The following PNO1 variants were observed in gnomAD, a reference collection of about 807,000 sequenced individuals.
The protein encoded by PNO1 is RNA-binding protein PNO1.
In PNO1, 16 loss-of-function variants were observed where a neutral mutation model predicts 28.4. That is an observed-to-expected ratio of 0.56 (90% CI 0.38 to 0.85). PNO1 has a LOEUF of 0.85. Ranked by LOEUF, PNO1 falls within the 40% of genes least tolerant of loss-of-function variation. The pLI is 0.00. For missense variants in PNO1, 304 were observed against 312.2 expected, an observed-to-expected ratio of 0.97 and a Z score of 0.20; for synonymous variants, 115 against 110.8, an observed-to-expected ratio of 1.04 and a Z score of -0.24.
chr2:68,163,536 AATAAATACATACATAC>A (rs1558619185), intron 5 of PNO1, among the ~76,000 whole-genome samples: 2 of 144,872 alleles, frequency 1.4e-5, no homozygotes. Context: ...GTCTCAAATA[AATAAATACATACATAC>A]ATACATACAT....
In PNO1 at chr2:68,162,554, C is replaced by T; in HGVS notation, c.511C>T (p.Leu171=). ...ESFEITDVKP[L]KGDHLSRAIG... is the part of the protein sequence containing the mutation. ...TTGCTTTTCTTGTTTAGTTAAACCC[C>T]TAAAGGGAGACCATCTATCCAGGGC... The change falls in exon 5 of 7, where the codon CTA becomes TTA. Residue 171 remains leucine (L), a synonymous_variant. Transcript: ENST00000263657. The T allele has an allele frequency of 1.2e-6, 2 of 1,611,474 alleles. No individual in the cohort carries two copies. The highest frequency in any genetic ancestry group is 1.7e-6 in the Non-Finnish European group (2 of 1,177,650).
chr2:68,167,324 A>T (rs995338431), intron 5 of PNO1, among the ~76,000 whole-genome samples: 1 of 152,174 alleles, frequency 6.6e-6, no homozygotes, highest in African/African-American at 2.4e-5. Context: ...ATTGCTCAAC[A>T]TCAAAAGAGC....
intron 6 of PNO1, among the ~76,000 whole-genome samples, chr2:68,174,146 G>A (rs1674207461): frequency 6.6e-6 from 1 of 152,142 alleles, no homozygotes; most frequent in African/African-American, 2.4e-5. Context: ...GATCTTAGCG[G>A]CTTGCTCAGA....
rs769048038 is a variant in PNO1 at position 68,162,612 on chromosome 2, C to T, written c.569C>T (p.Thr190Ile). 9.1e-5 allele frequency: 147 copies of T among 1,613,572 alleles called. No homozygotes were observed. Among genetic ancestry groups the T allele is most frequent in the Non-Finnish European group, 1.2e-4 (145 of 1,179,682 alleles). ...IGRIAGKGGK[T>I]KFTIENVTRT... ...AGAATCGCTGGCAAAGGAGGAAAAA[C>T]CAAATTCACCATAGAGAATGTGACA... is the stretch of plus-strand genomic sequence containing the variant. Residue 190 changes from threonine to isoleucine, a missense_variant, in exon 5 of 7, where the codon ACC becomes ATC. By Grantham distance (89) the Thr-to-Ile change is moderately conservative. Coordinates refer to ENST00000263657, the MANE Select transcript of PNO1 (RefSeq NM_020143.4).
Position 68,175,777 on chromosome 2 carries a change from C to T in PNO1, c.*975C>T, listed in dbSNP as rs1295683793. The T allele has an allele frequency of 6.6e-6, 1 of 152,176 alleles. No homozygotes were observed. Among genetic ancestry groups the T allele is most frequent in the East Asian group, 1.9e-4 (1 of 5,200 alleles). The allele number at this position is 152,176 out of a possible 1,614,324, so 9.4% of individuals were successfully genotyped here. A position where few individuals can be genotyped will look rare whatever the true frequency, so the allele number is the denominator to read the frequency against. The stretch of plus-strand genomic sequence containing the variant: ...ATAACCAATGTTGGGTATACAGATG[C>T]TTCTCAACTTATGATGGGTTTAGGT... On this transcript the variant is annotated 3_prime_UTR_variant, in exon 7 of 7. Coordinates refer to ENST00000263657, the MANE Select transcript of PNO1 (RefSeq NM_020143.4).
rs764029003 is a variant in PNO1, at chr2:68,162,577, G to A, written c.534G>A (p.Arg178=). The A allele has an allele frequency of 3.1e-6, 5 of 1,613,542 alleles. No individual in the cohort carries two copies. The African/African-American group carries it at 6.7e-5, about 22-fold the overall frequency. The part of the protein sequence containing the change: ...VKPLKGDHLS[R]AIGRIAGKGG... Reference sequence around the variant, plus strand: ...CCCTAAAGGGAGACCATCTATCCAGGGCAATAGGAAGAATCGCTGGCAAAG... The same window carrying A: ...CCCTAAAGGGAGACCATCTATCCAGAGCAATAGGAAGAATCGCTGGCAAAG... The change falls in exon 5 of 7, where the codon AGG becomes AGA. Residue 178 remains arginine (R), a synonymous_variant. Transcript: ENST00000263657.
intron 5 of PNO1, 182 bp from the exon 6 acceptor site, chr2:68,173,165 G>A (rs1674177273): frequency 2.2e-6 from 1 of 452,240 alleles, no homozygotes. Flanking sequence ...ACAGGCACGT[G>A]CTACTACACC....
chr2:68,163,661 A>C (rs1673903180), intron 5 of PNO1, among the ~76,000 whole-genome samples: 1 of 152,198 alleles, frequency 6.6e-6, no homozygotes, highest in African/African-American at 2.4e-5. Context: ...AGTCTTTAGA[A>C]GTATATATCT....
intron 5 of PNO1, among the ~76,000 whole-genome samples, chr2:68,172,348 C>T (rs939794331): frequency 2.0e-5 from 3 of 152,146 alleles, no homozygotes; most frequent in African/African-American, 7.2e-5. Flanking sequence ...GCTCCTCCCC[C>T]AGGCCCAGAG....
intron 3 of PNO1, 65 bp downstream of exon 3, chr2:68,161,831 A>T: frequency 1.9e-6 from 2 of 1,043,262 alleles, no homozygotes; most frequent in Non-Finnish European, 2.9e-6. Flanking sequence ...ATTTCAATGG[A>T]TTAGGCATTA....
chr2:68,158,106 C>G lies in PNO1; in HGVS notation c.172C>G (p.Pro58Ala). 6.2e-7 allele frequency: 1 copy of G among 1,609,548 alleles called. No homozygotes were observed. ...DTEEARPAKR[P>A]VFPPLCGDGL... Reference sequence around the variant, plus strand: ...AGAGGAGGCCAGGCCGGCGAAGAGGCCCGTCTTCCCACCCCTCTGTGGGGA... The same window carrying G: ...AGAGGAGGCCAGGCCGGCGAAGAGGGCCGTCTTCCCACCCCTCTGTGGGGA... The change falls in exon 1 of 7, where the codon CCC becomes GCC. Residue 58 changes from proline (P) to alanine (A), a missense_variant. Pro to Ala is a conservative substitution (Grantham distance 27). Transcript: ENST00000263657.
rs1558616796 is a variant in PNO1 at position 68,158,095 on chromosome 2, C to G, written c.161C>G (p.Pro54Arg). ...CGCATGGACACAGAGGAGGCCAGGCCGGCGAAGAGGCCCGTCTTCCCACCC... is the reference window on the plus strand; with the variant it reads ...CGCATGGACACAGAGGAGGCCAGGCGGGCGAAGAGGCCCGTCTTCCCACCC... Reference protein sequence around the residue: ...AGRMDTEEARPAKRPVFPPLC... With the variant: ...AGRMDTEEARRAKRPVFPPLC... The change falls in exon 1 of 7, where the codon CCG (proline) becomes CGG (arginine). Residue 54 changes from proline to arginine, a missense_variant. Pro to Arg is a moderately radical substitution (Grantham distance 103). Coordinates refer to ENST00000263657, the MANE Select transcript of PNO1 (RefSeq NM_020143.4). 2 of 1,611,750 alleles carry G rather than the reference C, an allele frequency of 1.2e-6. No individual in the cohort carries two copies. Among genetic ancestry groups the G allele is most frequent in the East Asian group, 2.2e-5 (1 of 44,818 alleles).
At chr2:68,167,694 C>T (rs1022215432) in intron 5 of PNO1, among the ~76,000 whole-genome samples, 2 of 152,164 alleles carry the variant, frequency 1.3e-5, no homozygotes, top group Non-Finnish European at 2.9e-5. Flanking sequence ...ATTATTTCTC[C>T]TCAGTGATTT....
chr2:68,159,975 T>G (rs1673788113), intron 2 of PNO1, among the ~76,000 whole-genome samples: 1 of 148,954 alleles, frequency 6.7e-6, no homozygotes, highest in South Asian at 2.1e-4. Context: ...TTTTTTTTTT[T>G]TTTTTTTTTT....
intron 5 of PNO1, among the ~76,000 whole-genome samples, chr2:68,171,071 A>T (rs1674119983): frequency 6.6e-6 from 1 of 152,174 alleles, no homozygotes; most frequent in Non-Finnish European, 1.5e-5. Flanking sequence ...ATTACCTGAA[A>T]ACAGAAATCA....
rs748944189 is a variant in PNO1, at chr2:68,157,931, G to A, written c.-4G>A. On this transcript the variant is annotated 5_prime_UTR_variant, in exon 1 of 7. Transcript: ENST00000263657. ...CAGCCGGCAGCGCTTTAAGATTTCC[G>A]GGGATGGAATCCGAAATGGAAACGC... 2 of 1,613,448 alleles carry A rather than the reference G, an allele frequency of 1.2e-6. No individual in the cohort carries two copies. The highest frequency in any genetic ancestry group is 1.1e-5 in the South Asian group (1 of 91,086).
intron 2 of PNO1, 124 bp downstream of exon 2, chr2:68,158,653 T>C (rs1402896370): frequency 1.2e-6 from 1 of 814,538 alleles, no homozygotes; most frequent in Non-Finnish European, 1.8e-6. Flanking sequence ...GTTTAAAAAT[T>C]TACCATATTG....
intron 5 of PNO1, among the ~76,000 whole-genome samples, chr2:68,170,130 A>T (rs969694263): frequency 3.9e-5 from 6 of 152,236 alleles, no homozygotes; most frequent in African/African-American, 1.4e-4. Flanking sequence ...TATTAATTAT[A>T]ATAAAGCTGT....
intron 5 of PNO1, among the ~76,000 whole-genome samples, chr2:68,165,459 T>C (rs1484579504): frequency 2.7e-5 from 4 of 148,460 alleles, no homozygotes; most frequent in Admixed American, 2.7e-4. Flanking sequence ...GGCAGGAGAA[T>C]TGCTTGAACC....
Sources: gnomAD v4.1 joint callset for allele counts (sites outside exome capture counted in the v4.1 genomes callset) on GRCh38, gnomAD v4.1.1 for gene constraint, MANE v1.5 for transcripts, NCBI Gene and HGNC (gene_info 2026-07-23, HGNC 2026-07-21) for gene names.